MBD5: variants seen among roughly 807,000 people sequenced by gnomAD.
MBD5 encodes methyl-CpG binding domain protein 5, also known as methyl-CpG-binding domain protein 5.
Under a neutral mutation model 117.3 loss-of-function variants are expected in MBD5, and 13 were observed. The observed-to-expected ratio is 0.11, with a 90% CI of 0.07 to 0.18. MBD5 has a LOEUF of 0.18. MBD5 is among the 10% of genes least tolerant of loss of function. MBD5 has a pLI of 1.00. For synonymous variants in MBD5, 727 were observed against 766.4 expected (o/e 0.95, Z 0.85); for missense variants, 1,879 against 2,093.8 (o/e 0.90, Z 2.00).
intron 3 of MBD5, among the ~76,000 whole-genome samples, chr2:148,338,289 C>T (rs1702848021): frequency 6.6e-6 from 1 of 151,916 alleles, no homozygotes; most frequent in Non-Finnish European, 1.5e-5. Flanking sequence ...ATCTGAGGTC[C>T]AGTCAAGGTT....
At chr2:148,059,707 C>T (rs1267831868) in intron 1 of MBD5, among the ~76,000 whole-genome samples, 1 of 151,736 alleles carries the variant, frequency 6.6e-6, no homozygotes, top group Admixed American at 6.6e-5. Flanking sequence ...ATTAGCCGGG[C>T]GTGTGGCGGG....
At chr2:148,195,394 A>C (rs535609477) in intron 2 of MBD5, among the ~76,000 whole-genome samples, 1 of 152,320 alleles carries the variant, frequency 6.6e-6, no homozygotes, top group South Asian at 2.1e-4. Flanking sequence ...AGATCTTAAA[A>C]ATATATGAAG....
chr2:148,040,887 C>T (rs918544659), intron 1 of MBD5, among the ~76,000 whole-genome samples: 7 of 152,032 alleles, frequency 4.6e-5, no homozygotes, highest in Non-Finnish European at 7.4e-5. Context: ...AAGCCCCTCA[C>T]GTGATGGCTT....
chr2:148,506,051 T>C (rs1682020619), intron 12 of MBD5, among the ~76,000 whole-genome samples: 1 of 152,198 alleles, frequency 6.6e-6, no homozygotes, highest in East Asian at 1.9e-4. Context: ...AGAAAGAAAA[T>C]TATCTGTTAT....
intron 1 of MBD5, among the ~76,000 whole-genome samples, chr2:148,032,991 CCTTA>C (rs1459521876): frequency 6.6e-6 from 1 of 151,944 alleles, no homozygotes; most frequent in Non-Finnish European, 1.5e-5. Flanking sequence ...AAGAAAAAAG[CCTTA>C]CTTCAAGTGC....
intron 3 of MBD5, among the ~76,000 whole-genome samples, chr2:148,333,170 T>G (rs2105070756): frequency 6.6e-6 from 1 of 152,308 alleles, no homozygotes; most frequent in African/African-American, 2.4e-5. Context: ...TAAAGAGTCT[T>G]ATTTTCTGTT....
chr2:148,198,335 CA>C (rs1278456603), intron 2 of MBD5, among the ~76,000 whole-genome samples: 1 of 152,094 alleles, frequency 6.6e-6, no homozygotes, highest in African/African-American at 2.4e-5. Flanking sequence ...ACTCTACCAC[CA>C]AATTTCTACC....
In MBD5 at chr2:148,149,096, C is replaced by A. The variant is rs565560363; in HGVS notation, c.-924-29604C>A. ...CAATGCTATCCCTCCCCACTCCCCC[C>A]ACCCCACAACAGTCCCCAGAGTGTG... On this transcript the variant is annotated intron_variant, in intron 1 of 13. Coordinates refer to ENST00000642680, the MANE Select transcript of MBD5 (RefSeq NM_001378120.1). 2.4e-4 allele frequency among the ~76,000 whole-genome samples: 36 copies of A among 150,780 alleles called. No homozygotes were observed. The South Asian group carries it at 4.0e-3, about 17-fold the overall frequency.
chr2:148,091,196 T>C (rs1433653847), intron 1 of MBD5, among the ~76,000 whole-genome samples: 1 of 152,166 alleles, frequency 6.6e-6, no homozygotes, highest in African/African-American at 2.4e-5. Flanking sequence ...TACTCACAGA[T>C]GGGTAGAATC....
chr2:148,242,457 A>G (rs906637809), intron 3 of MBD5, among the ~76,000 whole-genome samples: 1 of 152,164 alleles, frequency 6.6e-6, no homozygotes, highest in Non-Finnish European at 1.5e-5. Context: ...AAAAATAAGT[A>G]GGGCATTACT....
intron 4 of MBD5, among the ~76,000 whole-genome samples, chr2:148,405,295 A>C (rs902663743): frequency 3.3e-5 from 5 of 152,248 alleles, no homozygotes; most frequent in Non-Finnish European, 7.3e-5. Flanking sequence ...AGAAAATAAC[A>C]TGCTTTTCAA....
chr2:148,422,191 G>C (rs1705630351), intron 4 of MBD5, among the ~76,000 whole-genome samples: 1 of 152,160 alleles, frequency 6.6e-6, no homozygotes, highest in Non-Finnish European at 1.5e-5. Context: ...AGCTCTGGCA[G>C]GCATCTGACA....
chr2:148,392,729 A>G (rs1704602458), intron 4 of MBD5, among the ~76,000 whole-genome samples: 1 of 152,188 alleles, frequency 6.6e-6, no homozygotes. Flanking sequence ...CAGTTTATCT[A>G]AGGAACTTCT....
rs1406962917 is a variant in MBD5, at chr2:148,035,659, T to C, written c.-925+13975T>C. Among the ~76,000 whole-genome samples the C allele has an allele frequency of 3.3e-5, 5 of 152,334 alleles. No individual in the cohort carries two copies. In the East Asian group the frequency reaches 5.8e-4, roughly 18 times the overall value. ...TGTAAATATATTTTCTTTCCTTGTC[T>C]TTGTTTCCTCACATTAGGTAGGCAA... is the stretch of plus-strand genomic sequence containing the variant. On this transcript the variant is annotated intron_variant, in intron 1 of 13. Coordinates refer to ENST00000642680, the MANE Select transcript of MBD5 (RefSeq NM_001378120.1).
At chr2:148,269,318 A>G (rs1700927715) in intron 3 of MBD5, among the ~76,000 whole-genome samples, 1 of 151,260 alleles carries the variant, frequency 6.6e-6, no homozygotes, top group African/African-American at 2.4e-5. Flanking sequence ...ATTTTTTTTA[A>G]TAAGTAGGTT....
At chr2:148,163,377 C>T (rs77956953) in intron 1 of MBD5, among the ~76,000 whole-genome samples, 1,645 of 152,210 alleles carry the variant, frequency 0.011, 37 homozygotes, top group African/African-American at 0.037. Flanking sequence ...GGTTAATTTG[C>T]GGATGATCAG....
At chr2:148,146,652 T>G (rs1027880800) in intron 1 of MBD5, among the ~76,000 whole-genome samples, 2 of 152,184 alleles carry the variant, frequency 1.3e-5, no homozygotes. Flanking sequence ...TTTTTTCAAT[T>G]GTATTTGGGA....
chr2:148,084,621 A>C lies in MBD5; in HGVS notation c.-925+62937A>C, dbSNP rs374459373. On this transcript the variant is annotated intron_variant, in intron 1 of 13. Coordinates refer to ENST00000642680, the MANE Select transcript of MBD5 (RefSeq NM_001378120.1). The stretch of plus-strand genomic sequence containing the variant: ...TTTTAGGGCTAAGTAATTAATCTGC[A>C]GTATGTGAATATCATATACTTTTGG... Among the ~76,000 whole-genome samples, 16 of 152,324 alleles carry C rather than the reference A, an allele frequency of 1.1e-4. No homozygotes were observed. The East Asian group carries it at 3.1e-3, about 29-fold the overall frequency.
At chr2:148,112,991 T>C (rs1420750020) in intron 1 of MBD5, among the ~76,000 whole-genome samples, 1 of 152,176 alleles carries the variant, frequency 6.6e-6, no homozygotes, top group Non-Finnish European at 1.5e-5. Flanking sequence ...AGACCCTGTC[T>C]CTTAAATAAA....
Sources: allele counts gnomAD v4.1 joint callset (sites outside exome capture counted in the v4.1 genomes callset), GRCh38; gene constraint gnomAD v4.1.1; transcripts MANE v1.5; gene names NCBI Gene and HGNC (gene_info 2026-07-23, HGNC 2026-07-21).